NCOA1: variants seen among roughly 807,000 people sequenced by gnomAD.
NCOA1 encodes nuclear receptor coactivator 1.
NCOA1 carries 35 observed loss-of-function variants against 150.9 expected under a neutral mutation model. That is an observed-to-expected ratio of 0.23 (90% CI 0.18 to 0.31). The LOEUF is 0.31. NCOA1 is among the 10% of genes least tolerant of loss of function. NCOA1 has a pLI of 1.00. For missense variants in NCOA1, 1,491 were observed against 1,749.3 expected (o/e 0.85, Z 2.63); for synonymous variants, 590 against 630.0 (o/e 0.94, Z 0.95).
At chr2:24,545,604 T>C (rs1308545911) in intron 1 of NCOA1, among the ~76,000 whole-genome samples, 4 of 152,040 alleles carry the variant, frequency 2.6e-5, no homozygotes, top group African/African-American at 4.8e-5. Context: ...GGAATGGTTA[T>C]TTGTATAGAT....
At chr2:24,610,903 G>T (rs1190494503) in intron 3 of NCOA1, among the ~76,000 whole-genome samples, 4 of 151,628 alleles carry the variant, frequency 2.6e-5, no homozygotes, top group Non-Finnish European at 4.4e-5. Context: ...CTTGGAGTTA[G>T]GGGTCTATGA....
At chr2:24,729,031 T>C (rs144653486) in intron 16 of NCOA1, among the ~76,000 whole-genome samples, 52 of 152,366 alleles carry the variant, frequency 3.4e-4, no homozygotes, top group Non-Finnish European at 6.2e-4. Context: ...TTATATTTCT[T>C]ACAGTGGGTA....
chr2:24,642,989 A>T (rs1670299829), intron 3 of NCOA1, among the ~76,000 whole-genome samples: 1 of 152,162 alleles, frequency 6.6e-6, no homozygotes, highest in African/African-American at 2.4e-5. Context: ...TGTGATTATA[A>T]ACAGCATGAA....
chr2:24,658,697 G>T lies in NCOA1; in HGVS notation c.20G>T (p.Ser7Ile). The change falls in exon 5 of 23, where the codon AGT becomes ATT. Residue 7 changes from serine to isoleucine, a missense_variant. Physicochemically the swap from Ser to Ile is moderately radical, Grantham distance 142. Coordinates refer to ENST00000348332, the MANE Select transcript of NCOA1 (RefSeq NM_003743.5). ...TTCAACATGAGTGGCCTCGGGGACA[G>T]TTCATCCGACCCTGCTAACCCAGAC... MSGLGD[S>I]SSDPANPDSH... is the part of the protein sequence containing the mutation. The T allele has an allele frequency of 6.2e-7, 1 of 1,614,062 alleles. No homozygotes were observed. The highest frequency in any genetic ancestry group is 8.5e-7 in the Non-Finnish European group (1 of 1,179,954).
At chr2:24,554,761 TC>T (rs1666001897) in intron 1 of NCOA1, among the ~76,000 whole-genome samples, 1 of 152,088 alleles carries the variant, frequency 6.6e-6, no homozygotes. Context: ...AAGTCACACA[TC>T]CGAGTCTTTA....
At chr2:24,597,048 T>C (rs963383865) in intron 3 of NCOA1, among the ~76,000 whole-genome samples, 2 of 152,204 alleles carry the variant, frequency 1.3e-5, no homozygotes, top group South Asian at 2.1e-4. Context: ...CACTGTGCTT[T>C]TGTGGTTTTA....
intron 3 of NCOA1, among the ~76,000 whole-genome samples, chr2:24,586,635 T>C (rs975414556): frequency 6.6e-6 from 1 of 152,146 alleles, no homozygotes; most frequent in Non-Finnish European, 1.5e-5. Flanking sequence ...TTTTTGTTTT[T>C]GTATAGACAG....
chr2:24,717,978 C>A (rs1674138234), intron 14 of NCOA1, among the ~76,000 whole-genome samples: 1 of 148,788 alleles, frequency 6.7e-6, no homozygotes, highest in South Asian at 2.1e-4. Context: ...CTCGCTACAA[C>A]CTCTGCCTCT....
chr2:24,666,578 A>G (rs919813150), intron 6 of NCOA1, among the ~76,000 whole-genome samples: 8 of 152,040 alleles, frequency 5.3e-5, no homozygotes, highest in African/African-American at 1.9e-4. Context: ...ATGAAGAGAA[A>G]AATCTCCACT....
At chr2:24,642,837 G>T (rs886124453) in intron 3 of NCOA1, among the ~76,000 whole-genome samples, 1 of 152,140 alleles carries the variant, frequency 6.6e-6, no homozygotes, top group Admixed American at 6.6e-5. Flanking sequence ...GATCTCAAGG[G>T]CATTATGCTG....
At chr2:24,616,121 CACATTAGGTTAT>C (rs985598397) in intron 3 of NCOA1, among the ~76,000 whole-genome samples, 36 of 152,194 alleles carry the variant, frequency 2.4e-4, no homozygotes, top group African/African-American at 8.7e-4. Context: ...GTAGCATTGT[CACATTAGGTTAT>C]ACATTAGAGG....
intron 4 of NCOA1, among the ~76,000 whole-genome samples, chr2:24,649,240 T>C (rs1670610697): frequency 6.6e-6 from 1 of 152,210 alleles, no homozygotes; most frequent in Non-Finnish European, 1.5e-5. Flanking sequence ...CACTGAAATT[T>C]TTATCACTCA....
chr2:24,757,389 A>G (rs779715017), intron 20 of NCOA1, among the ~76,000 whole-genome samples: 1 of 152,190 alleles, frequency 6.6e-6, no homozygotes, highest in Non-Finnish European at 1.5e-5. Flanking sequence ...ATAATAATCC[A>G]TGCCATAATT....
intron 6 of NCOA1, among the ~76,000 whole-genome samples, chr2:24,671,468 G>A (rs1236967790): frequency 6.6e-6 from 1 of 152,028 alleles, no homozygotes; most frequent in Non-Finnish European, 1.5e-5. Flanking sequence ...GCTAGCCTGG[G>A]CAACATAGCA....
chr2:24,649,325 ACT>A (rs1446857919), intron 4 of NCOA1, among the ~76,000 whole-genome samples: 5 of 151,776 alleles, frequency 3.3e-5, no homozygotes, highest in African/African-American at 9.7e-5. Context: ...CTCTTATAAA[ACT>A]CTTTTGTACG....
At chr2:24,748,162 C>T (rs982060763) in intron 19 of NCOA1, among the ~76,000 whole-genome samples, 6 of 152,002 alleles carry the variant, frequency 3.9e-5, no homozygotes, top group African/African-American at 1.4e-4. Context: ...ATCAAAATTA[C>T]TTACCTTACA....
chr2:24,596,727 C>T (rs1667900828), intron 3 of NCOA1, among the ~76,000 whole-genome samples: 1 of 152,068 alleles, frequency 6.6e-6, no homozygotes, highest in South Asian at 2.1e-4. Flanking sequence ...AAATTTTAAT[C>T]ATTTTTGTGT....
At chr2:24,494,618 A>T (rs1056676970) in intron 1 of NCOA1, among the ~76,000 whole-genome samples, 5 of 152,200 alleles carry the variant, frequency 3.3e-5, no homozygotes, top group Non-Finnish European at 5.9e-5. Flanking sequence ...TCAGAGGACC[A>T]TCAGCTGCTT....
At chr2:24,624,131 G>A (rs1451942642) in intron 3 of NCOA1, among the ~76,000 whole-genome samples, 1 of 152,026 alleles carries the variant, frequency 6.6e-6, no homozygotes, top group Admixed American at 6.5e-5. Context: ...GTACCCAATT[G>A]TATTCTTGGT....
Sources: allele counts gnomAD v4.1 joint callset (sites outside exome capture counted in the v4.1 genomes callset), GRCh38; gene constraint gnomAD v4.1.1; transcripts MANE v1.5; gene names NCBI Gene and HGNC (gene_info 2026-07-23, HGNC 2026-07-21).